Variants in TMEM232 observed in about 807,000 individuals in gnomAD.
The protein encoded by TMEM232 is transmembrane protein 232.
A neutral mutation model predicts 78.8 loss-of-function variants in TMEM232; 80 were observed. That is an observed-to-expected ratio of 1.01 (90% confidence interval 0.85 to 1.22). TMEM232 has a LOEUF of 1.22. Among genes scored for constraint, TMEM232 ranks in the 50% most tolerant of loss-of-function variants. The probability of loss-of-function intolerance (pLI) is 0.00; values close to 1 mark genes in which losing one functional copy is unlikely to be tolerated. For synonymous variants in TMEM232, 297 were observed against 254.3 expected, an observed-to-expected ratio of 1.17 and a Z score of -1.60; for missense variants, 881 against 742.2, an observed-to-expected ratio of 1.19 and a Z score of -2.17.
chr5:110,551,638 C>G (rs1774477074), intron 11 of TMEM232, among the ~76,000 whole-genome samples: 1 of 152,036 alleles, frequency 6.6e-6, no homozygotes, highest in African/African-American at 2.4e-5. Context: ...AAATATCAAC[C>G]CACAGTATTC....
At chr5:110,665,650 G>C (rs1790465435) in intron 2 of TMEM232, among the ~76,000 whole-genome samples, 2 of 149,516 alleles carry the variant, frequency 1.3e-5, no homozygotes, top group South Asian at 4.2e-4. Context: ...CCTCCCACCA[G>C]GTCCCTCATT....
intron 12 of TMEM232, among the ~76,000 whole-genome samples, chr5:110,440,801 C>A (rs541340415): frequency 9.2e-5 from 14 of 152,098 alleles, no homozygotes; most frequent in Middle Eastern, 3.2e-3. Context: ...CCAATGCCAT[C>A]CTGATTTTCA....
At chr5:110,610,248 G>GAGGAAGGAAGGAAGGGAGGAAGGA (rs1427420014) in intron 8 of TMEM232, among the ~76,000 whole-genome samples, 1 of 137,958 alleles carries the variant, frequency 7.2e-6, no homozygotes, top group African/African-American at 3.1e-5. Flanking sequence ...GGAAGGAAGG[G>GAGGAAGGAAGGAAGGGAGGAAGGA]AGGAAGGGAG....
At chr5:110,640,658 G>C (rs114609718) in intron 4 of TMEM232, among the ~76,000 whole-genome samples, 4,418 of 152,056 alleles carry the variant, frequency 0.029, 176 homozygotes, top group African/African-American at 0.09. Flanking sequence ...TGGCAAAAAA[G>C]TAATAAAGAC....
At chr5:110,442,983 T>A (rs1181054569) in intron 12 of TMEM232, among the ~76,000 whole-genome samples, 1 of 152,124 alleles carries the variant, frequency 6.6e-6, no homozygotes, top group Non-Finnish European at 1.5e-5. Context: ...GGTGTGGTAA[T>A]ATAGGCACCC....
chr5:110,699,941 A>T (rs1795236777), intron 1 of TMEM232, among the ~76,000 whole-genome samples: 1 of 152,096 alleles, frequency 6.6e-6, no homozygotes, highest in South Asian at 2.1e-4. Flanking sequence ...TGTCACTAAG[A>T]AATTCAATCT....
intron 3 of TMEM232, among the ~76,000 whole-genome samples, chr5:110,391,276 G>A (rs1755170701): frequency 6.9e-6 from 1 of 145,302 alleles, no homozygotes; most frequent in Non-Finnish European, 1.5e-5. Flanking sequence ...AAAGAAGTCT[G>A]AGGCTCCCGT....
At chr5:110,534,120 T>G (rs1400919939) in intron 11 of TMEM232, among the ~76,000 whole-genome samples, 1 of 152,166 alleles carries the variant, frequency 6.6e-6, no homozygotes, top group Non-Finnish European at 1.5e-5. Context: ...GTAGACACTT[T>G]CACTAGATAA....
chr5:110,738,388 C>A, upstream of TMEM232: 2 of 535,194 alleles, frequency 3.7e-6, no homozygotes, highest in Non-Finnish European at 5.0e-6. Context: ...AGTTTCTTTA[C>A]AGCCTTAGAA....
At chr5:110,469,685 T>G (rs1237620356) in intron 12 of TMEM232, among the ~76,000 whole-genome samples, 2 of 152,144 alleles carry the variant, frequency 1.3e-5, no homozygotes, top group Non-Finnish European at 2.9e-5. Context: ...GGGGAAACAG[T>G]GCCTTAGCCA....
rs1041305225 is a variant in TMEM232 at position 110,642,358 on chromosome 5, T to C, written c.139A>G (p.Ile47Val). ...AATCTCAAGATGAATTCTTTTGTGA[T>C]TGAAAATGTTGGCCTAAATAAAACA... ...RGHKSRPTFS[I>V]TKEFILRFNQ... The change falls in exon 3 of 14, where the codon ATC becomes GTC. Residue 47 changes from isoleucine to valine, a missense_variant. Coordinates refer to ENST00000455884, the MANE Select transcript of TMEM232 (RefSeq NM_001039763.4). 6.6e-7 allele frequency: 1 copy of C among 1,515,566 alleles called. No individual in the cohort carries two copies. Among genetic ancestry groups the C allele is most frequent in the South Asian group, 1.3e-5 (1 of 77,566 alleles). The allele number at this position is 1,515,566 out of a possible 1,614,324, so 93.9% of individuals were successfully genotyped here. A position where few individuals can be genotyped will look rare whatever the true frequency, so the allele number is the denominator to read the frequency against.
chr5:110,662,928 C>T (rs978646310), intron 2 of TMEM232, among the ~76,000 whole-genome samples: 1 of 151,400 alleles, frequency 6.6e-6, no homozygotes, highest in African/African-American at 2.4e-5. Context: ...ATTTTTTTAA[C>T]CAAAATACAA....
chr5:110,573,000 A>T (rs1258005664), intron 10 of TMEM232, among the ~76,000 whole-genome samples: 1 of 152,080 alleles, frequency 6.6e-6, no homozygotes, highest in African/African-American at 2.4e-5. Context: ...GCTATCAAAG[A>T]TATCACTTTA....
chr5:110,662,598 C>T (rs553450506), intron 2 of TMEM232, among the ~76,000 whole-genome samples: 1 of 151,770 alleles, frequency 6.6e-6, no homozygotes, highest in Non-Finnish European at 1.5e-5. Context: ...ATTACCAAAC[C>T]ATAGTAATTA....
intron 5 of TMEM232, among the ~76,000 whole-genome samples, chr5:110,632,515 A>T (rs1212075719): frequency 2.0e-5 from 3 of 152,210 alleles, no homozygotes; most frequent in Admixed American, 6.5e-5. Context: ...AGAAAAAAAC[A>T]ATTTAAGATA....
chr5:110,394,614 T>C (rs1199699676), intron 3 of TMEM232, among the ~76,000 whole-genome samples: 3 of 150,564 alleles, frequency 2.0e-5, no homozygotes, highest in East Asian at 1.9e-4. Context: ...CTGTATCCCA[T>C]AGGTTTGCGT....
chr5:110,535,313 C>G (rs886314951), intron 11 of TMEM232, among the ~76,000 whole-genome samples: 2 of 152,128 alleles, frequency 1.3e-5, no homozygotes, highest in African/African-American at 4.8e-5. Flanking sequence ...AGCTCCCCTA[C>G]TGAGCACCTT....
chr5:110,657,540 A>T (rs1449180350), intron 2 of TMEM232, among the ~76,000 whole-genome samples: 1 of 152,196 alleles, frequency 6.6e-6, no homozygotes, highest in African/African-American at 2.4e-5. Context: ...GTGGAATCTT[A>T]AAAAGCTTAT....
intron 12 of TMEM232, among the ~76,000 whole-genome samples, chr5:110,478,421 A>G (rs190756081): frequency 6.6e-6 from 1 of 151,996 alleles, no homozygotes; most frequent in East Asian, 1.9e-4. Context: ...TAAAATGGAG[A>G]ATTGCGATAA....
Sources: gnomAD v4.1 joint callset for allele counts (sites outside exome capture counted in the v4.1 genomes callset) on GRCh38, gnomAD v4.1.1 for gene constraint, MANE v1.5 for transcripts, NCBI Gene and HGNC (gene_info 2026-07-23, HGNC 2026-07-21) for gene names.